Variants in CFAP44 observed in about 807,000 individuals in gnomAD.
CFAP44 encodes the protein cilia and flagella associated protein 44.
Under a neutral mutation model 216.2 loss-of-function variants are expected in CFAP44, and 134 were observed. That is an observed-to-expected ratio of 0.62 (90% CI 0.54 to 0.72). The LOEUF (loss-of-function observed/expected upper bound fraction) is 0.72, where lower values mean the gene tolerates loss of function less well. Ranked by LOEUF, CFAP44 falls within the 30% of genes least tolerant of loss-of-function variation. The probability of loss-of-function intolerance (pLI) is 0.00; values close to 1 mark genes in which losing one functional copy is unlikely to be tolerated. For missense variants in CFAP44, 2,035 were observed against 2,182.1 expected (o/e 0.93, Z 1.34); for synonymous variants, 700 against 727.6 (o/e 0.96, Z 0.61).
Position 113,287,115 on chromosome 3 carries a change from G to T in CFAP44, c.*4442C>A, listed in dbSNP as rs772261976. 2.0e-6 allele frequency: 1 copy of T among 502,496 alleles called. No homozygotes were observed. The highest frequency in any genetic ancestry group is 1.6e-5 in the South Asian group (1 of 63,898). The allele number at this position is 502,496 out of a possible 1,614,324, so 31.1% of individuals were successfully genotyped here. On this transcript the variant is annotated 3_prime_UTR_variant, in exon 35 of 35. Transcript: ENST00000393845. ...ACCCAGGAAAGCACCGCACAGGCTG[G>T]CGCGGGACAGACTCCTAACCTGGGG...
At position 113,426,259 on chromosome 3, in the gene CFAP44, G is replaced by GC. The variant is rs1559946371; in HGVS notation, c.271dup (p.Ala91GlyfsTer12). On this transcript the variant is annotated frameshift_variant, in exon 4 of 35. Coordinates refer to ENST00000393845, the MANE Select transcript of CFAP44 (RefSeq NM_001164496.2). LOFTEE classifies it high-confidence loss of function. ...CTCCTCTGCTTCTTCCACAGCTGGA[G>GC]CAGGGGTTTGCTGAGGTACTAAAAA... 6.2e-7 allele frequency: 1 copy of GC among 1,614,006 alleles called. No homozygotes were observed. The highest frequency in any genetic ancestry group is 2.2e-5 in the East Asian group (1 of 44,884).
chr3:113,408,033 G>A (rs183430835), intron 7 of CFAP44, among the ~76,000 whole-genome samples: 1 of 152,152 alleles, frequency 6.6e-6, no homozygotes, highest in Non-Finnish European at 1.5e-5. Flanking sequence ...GCTAGCAGAA[G>A]GTTATTTGAC....
intron 4 of CFAP44, among the ~76,000 whole-genome samples, chr3:113,421,978 T>C (rs887348662): frequency 3.3e-5 from 5 of 152,118 alleles, no homozygotes; most frequent in South Asian, 4.1e-4. Flanking sequence ...GTACCCTCTG[T>C]ATCTAAAATA....
intron 2 of CFAP44, chr3:113,427,717 A>G (rs1310072591): frequency 5.7e-6 from 1 of 176,660 alleles, no homozygotes; most frequent in Non-Finnish European, 1.2e-5. Flanking sequence ...TTCTCTGAGT[A>G]TGCTGATTTC....
At chr3:113,342,029 G>C in intron 23 of CFAP44, 111 bp from the exon 24 acceptor site, 1 of 1,254,170 alleles carries the variant, frequency 8.0e-7, no homozygotes, top group Non-Finnish European at 1.1e-6. Context: ...TATTGAATTT[G>C]TAAATCAAAG....
rs1167974290 is a variant in CFAP44, at chr3:113,363,661, T to C, written c.2716-129A>G. The C allele has an allele frequency of 6.3e-6, 5 of 792,670 alleles. No individual in the cohort carries two copies. In the African/African-American group the frequency reaches 7.1e-5, roughly 11 times the overall value. 49.1% of individuals were successfully genotyped at this position (792,670 alleles called of 1,614,324 possible). A position where few individuals can be genotyped will look rare whatever the true frequency, so the allele number is the denominator to read the frequency against. The stretch of plus-strand genomic sequence containing the variant: ...TTTTTCTGCCAATTTCTAATAATTA[T>C]AGGTCTGAAAATCAGTTTCACAAAA... On this transcript the variant is annotated intron_variant, in intron 19 of 34. Coordinates refer to ENST00000393845, the MANE Select transcript of CFAP44 (RefSeq NM_001164496.2).
chr3:113,389,655 A>G (rs1213012568), intron 15 of CFAP44, among the ~76,000 whole-genome samples: 1 of 152,132 alleles, frequency 6.6e-6, no homozygotes, highest in African/African-American at 2.4e-5. Context: ...ATATGAAATC[A>G]AAGATGAAAA....
At chr3:113,382,470 CCTT>C (rs1377067618) in intron 15 of CFAP44, among the ~76,000 whole-genome samples, 2 of 152,098 alleles carry the variant, frequency 1.3e-5, no homozygotes, top group South Asian at 2.1e-4. Context: ...AATAGTCAAT[CCTT>C]CTGAGAAAGT....
At chr3:113,425,452 G>C (rs1006163211) in intron 4 of CFAP44, among the ~76,000 whole-genome samples, 6 of 152,160 alleles carry the variant, frequency 3.9e-5, no homozygotes, top group African/African-American at 1.4e-4. Context: ...CAATCATCCT[G>C]TTTCTACATA....
At chr3:113,330,995 C>A (rs1466558058) in intron 25 of CFAP44, among the ~76,000 whole-genome samples, 1 of 152,132 alleles carries the variant, frequency 6.6e-6, no homozygotes, top group African/African-American at 2.4e-5. Context: ...GAGCCTTGTT[C>A]AAGCTGGATA....
chr3:113,365,810 A>G (rs1950581619), intron 19 of CFAP44, among the ~76,000 whole-genome samples: 1 of 152,154 alleles, frequency 6.6e-6, no homozygotes, highest in African/African-American at 2.4e-5. Context: ...AAACTGACAC[A>G]TTCTTTTTTA....
At chr3:113,321,120 T>C (rs1310724955) in intron 28 of CFAP44, among the ~76,000 whole-genome samples, 1 of 152,146 alleles carries the variant, frequency 6.6e-6, no homozygotes, top group Non-Finnish European at 1.5e-5. Flanking sequence ...GCAAAAATAT[T>C]CAAAACATAC....
chr3:113,379,279 G>A (rs766804155), intron 17 of CFAP44, 27 bp downstream of exon 17: 2 of 1,457,378 alleles, frequency 1.4e-6, no homozygotes, highest in East Asian at 2.3e-5. Context: ...ATATGATTGA[G>A]GTAAAAATTA....
chr3:113,323,252 T>C (rs1950160731), intron 28 of CFAP44, among the ~76,000 whole-genome samples: 1 of 152,114 alleles, frequency 6.6e-6, no homozygotes, highest in South Asian at 2.1e-4. Context: ...AAAGAAAATC[T>C]ACATATACAC....
chr3:113,375,266 G>A lies in CFAP44; in HGVS notation c.2299-1710C>T, dbSNP rs78604355. Among the ~76,000 whole-genome samples, 75 of 152,264 alleles carry A rather than the reference G, an allele frequency of 4.9e-4. No individual in the cohort carries two copies. The East Asian group carries it at 0.013, about 26-fold the overall frequency. On this transcript the variant is annotated intron_variant, in intron 17 of 34. Transcript: ENST00000393845. ...CGGTAGAACAGATGTTGGTGATGAC[G>A]TCACAACATTGTGAATACGTTTACT... is the stretch of plus-strand genomic sequence containing the variant.
intron 24 of CFAP44, among the ~76,000 whole-genome samples, chr3:113,340,536 G>T (rs1379756429): frequency 2.6e-5 from 4 of 152,168 alleles, no homozygotes; most frequent in Admixed American, 6.5e-5. Context: ...AATGGGAAAG[G>T]TTCCCTTGTC....
intron 2 of CFAP44, among the ~76,000 whole-genome samples, chr3:113,430,898 G>A (rs1935089491): frequency 6.6e-6 from 1 of 152,114 alleles, no homozygotes; most frequent in Admixed American, 6.6e-5. Flanking sequence ...AGAAATCAAT[G>A]CCTTAGTAAC....
At chr3:113,298,677 A>T (rs754931385) in intron 32 of CFAP44, among the ~76,000 whole-genome samples, 12 of 152,262 alleles carry the variant, frequency 7.9e-5, no homozygotes, top group Non-Finnish European at 1.8e-4. Flanking sequence ...AAATTCTGAC[A>T]CATGCTACAA....
At position 113,380,972 on chromosome 3, in the gene CFAP44, T is replaced by C. The variant is rs761190030; in HGVS notation, c.1979A>G (p.Asp660Gly). The C allele has an allele frequency of 1.2e-6, 2 of 1,601,802 alleles. No homozygotes were observed. The highest frequency in any genetic ancestry group is 4.5e-5 in the East Asian group (2 of 44,158). ...PTIKQEEDDH[D>G]VVSYEIKDMC... is the part of the protein sequence containing the mutation. ...GTCTTTGATTTCATAGGAGACTACA[T>C]CATGATCATCCTCTTCTTGCTTTAT... The change falls in exon 16 of 35, where the codon GAT becomes GGT. Residue 660 changes from aspartate to glycine, a missense_variant. Physicochemically the swap from Asp to Gly is moderately conservative, Grantham distance 94. Transcript: ENST00000393845.
Sources: gnomAD v4.1 joint callset for allele counts (sites outside exome capture counted in the v4.1 genomes callset) on GRCh38, gnomAD v4.1.1 for gene constraint, MANE v1.5 for transcripts, NCBI Gene and HGNC (gene_info 2026-07-23, HGNC 2026-07-21) for gene names.